ZBTB20: variants seen among roughly 807,000 people sequenced by gnomAD.
ZBTB20 encodes the protein zinc finger and BTB domain containing 20.
A neutral mutation model predicts 56.9 loss-of-function variants in ZBTB20; 9 were observed. That is an observed-to-expected ratio of 0.16 (90% CI 0.10 to 0.28). ZBTB20 has a LOEUF of 0.28. Ranked by LOEUF, ZBTB20 falls within the 10% of genes least tolerant of loss-of-function variation. The probability of loss-of-function intolerance (pLI) is 1.00; values close to 1 mark genes in which losing one functional copy is unlikely to be tolerated. For synonymous variants in ZBTB20, 417 were observed against 420.7 expected (o/e 0.99, Z 0.11); for missense variants, 655 against 1,003.0 (o/e 0.65, Z 4.69).
intron 6 of ZBTB20, among the ~76,000 whole-genome samples, chr3:114,577,957 A>T (rs1027400841): frequency 2.0e-5 from 3 of 152,236 alleles, no homozygotes; most frequent in African/African-American, 7.2e-5. Context: ...TAACCAAGTA[A>T]TGGTAAGAAA....
At chr3:114,866,157 T>C (rs677754) in intron 4 of ZBTB20, among the ~76,000 whole-genome samples, 141,456 of 152,282 alleles carry the variant, frequency 0.93, 65,868 homozygotes, top group East Asian at 1. Context: ...TAATAGCTGT[T>C]CTTCACTGAG....
intron 6 of ZBTB20, among the ~76,000 whole-genome samples, chr3:114,660,899 A>T (rs1042470453): frequency 6.6e-5 from 10 of 152,088 alleles, no homozygotes; most frequent in African/African-American, 2.4e-4. Context: ...GGGTGGAGAG[A>T]GAGACAGCAA....
At chr3:114,554,563 CA>C (rs2050971365) in intron 6 of ZBTB20, among the ~76,000 whole-genome samples, 1 of 151,998 alleles carries the variant, frequency 6.6e-6, no homozygotes, top group Non-Finnish European at 1.5e-5. Context: ...AAAAGGAAGA[CA>C]AAAAACAATA....
At chr3:114,562,127 G>A (rs1028407281) in intron 6 of ZBTB20, among the ~76,000 whole-genome samples, 6 of 151,598 alleles carry the variant, frequency 4.0e-5, no homozygotes. Flanking sequence ...AGGAGTCAGT[G>A]CCTTGCTCTG....
rs1356084166 is a variant in ZBTB20 at position 114,335,122 on chromosome 3, C to A, written c.*3883G>T. On this transcript the variant is annotated 3_prime_UTR_variant, in exon 12 of 12. Transcript: ENST00000675478. ...ATCTAAATATCTTGAGATAAAAATT[C>A]CCCTTTGACTTTTTTTCCTCTCCCT... 6.6e-6 allele frequency: 1 copy of A among 151,878 alleles called. No homozygotes were observed. The highest frequency in any genetic ancestry group is 1.5e-5 in the Non-Finnish European group (1 of 67,962). The allele number at this position is 151,878 out of a possible 1,614,324, so 9.4% of individuals were successfully genotyped here. A position where few individuals can be genotyped will look rare whatever the true frequency, so the allele number is the denominator to read the frequency against.
At chr3:114,435,403 A>G (rs1250337400) in intron 7 of ZBTB20, among the ~76,000 whole-genome samples, 1 of 151,946 alleles carries the variant, frequency 6.6e-6, no homozygotes, top group Non-Finnish European at 1.5e-5. Flanking sequence ...TATTTTGCCC[A>G]TTTTTTTTGT....
chr3:114,482,799 C>G (rs562863464), intron 7 of ZBTB20, among the ~76,000 whole-genome samples: 5 of 152,298 alleles, frequency 3.3e-5, no homozygotes, highest in Admixed American at 3.3e-4. Flanking sequence ...CCTCTAACCT[C>G]TAATCAAGGA....
chr3:114,351,924 T>C, intron 10 of ZBTB20, 46 bp from the exon 11 acceptor site: 2 of 1,552,998 alleles, frequency 1.3e-6, no homozygotes, highest in Non-Finnish European at 1.7e-6. Flanking sequence ...GGGTCAGATC[T>C]AGCTGGTTGC....
At chr3:114,477,881 T>TCC (rs2041004351) in intron 7 of ZBTB20, among the ~76,000 whole-genome samples, 2 of 146,598 alleles carry the variant, frequency 1.4e-5, no homozygotes, top group African/African-American at 5.0e-5. Flanking sequence ...CTTCCTTCCT[T>TCC]TTTTCTTTCT....
intron 7 of ZBTB20, among the ~76,000 whole-genome samples, chr3:114,471,213 T>C (rs2040087407): frequency 5.3e-5 from 8 of 152,172 alleles, no homozygotes; most frequent in Admixed American, 5.2e-4. Flanking sequence ...CAATAATAAC[T>C]CCATGCATTG....
Position 114,320,756 on chromosome 3 carries a change from G to A in ZBTB20, c.*18249C>T, listed in dbSNP as rs1313633831. On this transcript the variant is annotated 3_prime_UTR_variant, in exon 12 of 12. Coordinates refer to ENST00000675478, the MANE Select transcript of ZBTB20 (RefSeq NM_001348800.3). ...TAACAGGTTGGTACTGCATCCATGT[G>A]GGGACAATAGAAAAAAAGTACTCAA... The A allele has an allele frequency of 6.6e-6, 1 of 151,968 alleles. No individual in the cohort carries two copies. Among genetic ancestry groups the A allele is most frequent in the Non-Finnish European group, 1.5e-5 (1 of 68,022 alleles). 9.4% of individuals were successfully genotyped at this position (151,968 alleles called of 1,614,324 possible). A position where few individuals can be genotyped will look rare whatever the true frequency, so the allele number is the denominator to read the frequency against.
At chr3:114,940,928 A>G (rs1272140697) in intron 3 of ZBTB20, among the ~76,000 whole-genome samples, 1 of 146,464 alleles carries the variant, frequency 6.8e-6, no homozygotes, top group Admixed American at 6.6e-5. Flanking sequence ...CACTGAATTT[A>G]TAACTCATTG....
intron 2 of ZBTB20, among the ~76,000 whole-genome samples, chr3:115,007,979 C>T (rs1249993408): frequency 6.6e-6 from 1 of 151,846 alleles, no homozygotes; most frequent in East Asian, 2.0e-4. Flanking sequence ...TTCTTCTTGA[C>T]CCTATATATG....
intron 7 of ZBTB20, among the ~76,000 whole-genome samples, chr3:114,424,466 C>A (rs1385588028): frequency 6.6e-6 from 1 of 152,222 alleles, no homozygotes; most frequent in African/African-American, 2.4e-5. Flanking sequence ...ATTAGTCCTT[C>A]CAGCTTCATG....
intron 2 of ZBTB20, among the ~76,000 whole-genome samples, chr3:115,011,310 G>A (rs1395899023): frequency 2.0e-5 from 3 of 151,850 alleles, no homozygotes; most frequent in Non-Finnish European, 4.4e-5. Context: ...GAAGGTTATA[G>A]AATGCCAAGC....
At chr3:114,698,677 A>C (rs1369250227) in intron 5 of ZBTB20, among the ~76,000 whole-genome samples, 2 of 152,150 alleles carry the variant, frequency 1.3e-5, no homozygotes, top group African/African-American at 4.8e-5. Flanking sequence ...TGTGTTTGCA[A>C]ATGATGACTG....
At chr3:114,819,976 A>G (rs759613209) in intron 4 of ZBTB20, among the ~76,000 whole-genome samples, 2 of 151,918 alleles carry the variant, frequency 1.3e-5, no homozygotes, top group Non-Finnish European at 2.9e-5. Context: ...TTTTGCCTGC[A>G]ATTTGTCATA....
At chr3:114,639,878 T>C (rs1207584403) in intron 6 of ZBTB20, among the ~76,000 whole-genome samples, 1 of 152,024 alleles carries the variant, frequency 6.6e-6, no homozygotes, top group African/African-American at 2.4e-5. Context: ...TAGCAATAGG[T>C]TCTCATAAAT....
intron 7 of ZBTB20, among the ~76,000 whole-genome samples, chr3:114,443,404 TG>T (rs1054965205): frequency 3.3e-5 from 5 of 152,136 alleles, no homozygotes; most frequent in African/African-American, 1.2e-4. Flanking sequence ...TGGGGGTCTG[TG>T]GGGAACCTGA....
Sources: allele counts gnomAD v4.1 joint callset (sites outside exome capture counted in the v4.1 genomes callset), GRCh38; gene constraint gnomAD v4.1.1; transcripts MANE v1.5; gene names NCBI Gene and HGNC (gene_info 2026-07-23, HGNC 2026-07-21).